Variants in PIK3R1 observed in about 807,000 individuals in gnomAD.
PIK3R1 encodes phosphatidylinositol 3-kinase regulatory subunit alpha.
A neutral mutation model predicts 98.0 loss-of-function variants in PIK3R1; 29 were observed. The observed-to-expected ratio is 0.30, with a 90% CI of 0.22 to 0.40. The LOEUF (loss-of-function observed/expected upper bound fraction) is 0.40. Among genes scored for constraint, PIK3R1 ranks in the 10% least tolerant of loss-of-function variants. The probability of loss-of-function intolerance (pLI) is 1.00; values close to 1 mark genes in which losing one functional copy is unlikely to be tolerated. For synonymous variants in PIK3R1, 282 were observed against 311.8 expected (o/e 0.90, Z 1.01); for missense variants, 596 against 872.7 (o/e 0.68, Z 3.99).
chr5:68,292,419 C>G, intron 8 of PIK3R1, 58 bp downstream of exon 8: 1 of 1,495,140 alleles, frequency 6.7e-7, no homozygotes, highest in African/African-American at 1.4e-5. Flanking sequence ...AGAAAAGCAC[C>G]AGCTTGCTAA....
intron 14 of PIK3R1, 150 bp from the exon 15 acceptor site, chr5:68,296,021 G>A: frequency 1.5e-6 from 1 of 660,290 alleles, no homozygotes; most frequent in East Asian, 2.8e-5. Context: ...GGAAAACTCA[G>A]GTCGGGCAGA....
intron 4 of PIK3R1, among the ~76,000 whole-genome samples, chr5:68,277,957 C>T (rs1436665708): frequency 6.6e-6 from 1 of 152,148 alleles, no homozygotes; most frequent in Non-Finnish European, 1.5e-5. Flanking sequence ...ACTGAGTACA[C>T]AAGTCCCCAG....
intron 2 of PIK3R1, among the ~76,000 whole-genome samples, chr5:68,244,966 G>A (rs192967020): frequency 5.3e-5 from 8 of 152,198 alleles, no homozygotes; most frequent in Non-Finnish European, 1.2e-4. Flanking sequence ...GTTATTGAGG[G>A]GCAAAACAGA....
intron 1 of PIK3R1, among the ~76,000 whole-genome samples, chr5:68,218,623 T>C (rs1321052035): frequency 6.6e-6 from 1 of 152,184 alleles, no homozygotes; most frequent in Non-Finnish European, 1.5e-5. Flanking sequence ...ATTTTTATGC[T>C]CAAGTAGAAT....
intron 7 of PIK3R1, among the ~76,000 whole-genome samples, chr5:68,281,409 G>T (rs1028538684): frequency 2.6e-5 from 4 of 152,108 alleles, no homozygotes; most frequent in African/African-American, 9.7e-5. Context: ...TTGGAAGTGG[G>T]TATGCTGAGA....
intron 2 of PIK3R1, among the ~76,000 whole-genome samples, chr5:68,230,028 C>G (rs1744412130): frequency 6.6e-6 from 1 of 152,344 alleles, no homozygotes; most frequent in East Asian, 1.9e-4. Flanking sequence ...GAAATCAAGG[C>G]TCAAGAGCCA....
chr5:68,243,759 C>G (rs537273920), intron 2 of PIK3R1, among the ~76,000 whole-genome samples: 1 of 152,296 alleles, frequency 6.6e-6, no homozygotes, highest in Non-Finnish European at 1.5e-5. Context: ...CGGGCAGAAA[C>G]AAGTTACCTT....
intron 7 of PIK3R1, among the ~76,000 whole-genome samples, chr5:68,287,194 A>C (rs1266148827): frequency 6.6e-6 from 1 of 152,238 alleles, no homozygotes; most frequent in East Asian, 1.9e-4. Context: ...AAAGGGAATG[A>C]AATGTTTTGT....
At chr5:68,288,458 G>T (rs1426821379) in intron 7 of PIK3R1, 3 of 1,287,174 alleles carry the variant, frequency 2.3e-6, no homozygotes, top group Non-Finnish European at 9.8e-7. Flanking sequence ...TGAGGAGCCG[G>T]CAGTGAGCGG....
intron 2 of PIK3R1, among the ~76,000 whole-genome samples, chr5:68,256,196 C>CA (rs368442648): frequency 1.3e-4 from 19 of 150,732 alleles, no homozygotes; most frequent in African/African-American, 1.9e-4. Flanking sequence ...CTTTGAATAT[C>CA]AAAAAAAAAG....
intron 1 of PIK3R1, among the ~76,000 whole-genome samples, chr5:68,224,933 T>G (rs1183587800): frequency 6.6e-6 from 1 of 152,262 alleles, no homozygotes; most frequent in African/African-American, 2.4e-5. Context: ...CAAGCTGTCT[T>G]TATAGAGTGG....
intron 11 of PIK3R1, 117 bp downstream of exon 11, chr5:68,293,951 T>A: frequency 1.3e-6 from 1 of 785,774 alleles, no homozygotes; most frequent in Non-Finnish European, 2.0e-6. Flanking sequence ...GTGAGAGCAT[T>A]TATTTGTGAA....
chr5:68,295,602 G>C (rs1267362946), intron 14 of PIK3R1, 114 bp downstream of exon 14: 1 of 881,980 alleles, frequency 1.1e-6, no homozygotes, highest in Non-Finnish European at 1.9e-6. Context: ...GGAACATCTT[G>C]TAGGAGAAAA....
intron 12 of PIK3R1, 31 bp downstream of exon 12, chr5:68,294,709 A>C (rs759387483): frequency 6.4e-7 from 1 of 1,555,858 alleles, no homozygotes; most frequent in Non-Finnish European, 8.7e-7. Context: ...TGTGCTAGAG[A>C]TAACCAAAAT....
intron 1 of PIK3R1, among the ~76,000 whole-genome samples, chr5:68,221,456 A>G (rs1355174667): frequency 1.3e-5 from 2 of 152,212 alleles, no homozygotes; most frequent in African/African-American, 4.8e-5. Flanking sequence ...GAACCCTTCC[A>G]TACCCTCCTG....
intron 7 of PIK3R1, among the ~76,000 whole-genome samples, chr5:68,281,810 A>T (rs540239981): frequency 6.6e-6 from 1 of 152,202 alleles, no homozygotes; most frequent in African/African-American, 2.4e-5. Context: ...TATGCAGATT[A>T]CCATATTTAT....
intron 2 of PIK3R1, among the ~76,000 whole-genome samples, chr5:68,232,490 T>G (rs2111985993): frequency 6.6e-6 from 1 of 152,304 alleles, no homozygotes; most frequent in African/African-American, 2.4e-5. Flanking sequence ...GGAGGCTCTC[T>G]TACCCAGAGG....
intron 7 of PIK3R1, among the ~76,000 whole-genome samples, chr5:68,286,947 G>A (rs1008851500): frequency 2.6e-5 from 4 of 152,212 alleles, no homozygotes; most frequent in Non-Finnish European, 5.9e-5. Flanking sequence ...CCTATGATCA[G>A]ATGGCAGATT....
intron 2 of PIK3R1, among the ~76,000 whole-genome samples, chr5:68,256,724 G>A (rs576438316): frequency 6.6e-6 from 1 of 151,950 alleles, no homozygotes; most frequent in Admixed American, 6.5e-5. Flanking sequence ...ATTAGCAAGA[G>A]TGTGAGATAA....
Sources: gnomAD v4.1 joint callset for allele counts (sites outside exome capture counted in the v4.1 genomes callset) on GRCh38, gnomAD v4.1.1 for gene constraint, MANE v1.5 for transcripts, NCBI Gene and HGNC (gene_info 2026-07-23, HGNC 2026-07-21) for gene names.